ZC3H12B: variants seen among roughly 807,000 people sequenced by gnomAD.
The protein encoded by ZC3H12B is probable ribonuclease ZC3H12B.
ZC3H12B carries 7 observed loss-of-function variants against 43.9 expected under a neutral mutation model. The observed-to-expected ratio is 0.16, with a 90% CI of 0.09 to 0.30. ZC3H12B has a LOEUF of 0.30. Ranked by LOEUF, ZC3H12B falls within the 10% of genes least tolerant of loss-of-function variation. ZC3H12B has a pLI of 1.00. For synonymous variants in ZC3H12B, 222 were observed against 241.7 expected (o/e 0.92, Z 0.76); for missense variants, 475 against 670.2 (o/e 0.71, Z 3.22).
chrX:65,318,793 T>C, the ZC3H12B span, among the ~76,000 whole-genome samples: 2 of 111,130 alleles, frequency 1.8e-5, no homozygotes, highest in Non-Finnish European at 3.8e-5. Context: ...TTTTTTTTCT[T>C]GCTAATTTAA....
the ZC3H12B span, among the ~76,000 whole-genome samples, chrX:65,190,203 T>C: frequency 9.0e-6 from 1 of 110,539 alleles, no homozygotes; most frequent in Non-Finnish European, 1.9e-5. Flanking sequence ...TACTGTAGCC[T>C]TGTAGTATAG....
chrX:65,037,499 C>A, the ZC3H12B span, among the ~76,000 whole-genome samples: 244 of 112,090 alleles, frequency 2.2e-3, 1 homozygote, highest in Admixed American at 4.0e-3. Context: ...ACTAAATTAA[C>A]AAATTAAATA....
At chrX:65,330,865 T>A in the ZC3H12B span, 5 of 225,487 alleles carry the variant, frequency 2.2e-5, no homozygotes, top group Non-Finnish European at 3.5e-5. Context: ...TCACTGTTAC[T>A]GCCACCATCT....
the ZC3H12B span, among the ~76,000 whole-genome samples, chrX:65,188,439 T>G: frequency 7.7e-3 from 831 of 107,809 alleles, 11 homozygotes; most frequent in Admixed American, 0.039. Flanking sequence ...ACTAACAGTG[T>G]ACAACGTTTC....
At chrX:65,129,644 G>T in the ZC3H12B span, among the ~76,000 whole-genome samples, 1 of 111,326 alleles carries the variant, frequency 9.0e-6, no homozygotes, top group Non-Finnish European at 1.9e-5. Context: ...TATATGCACA[G>T]GTCACAGAGT....
At chrX:65,258,981 G>A in the ZC3H12B span, among the ~76,000 whole-genome samples, 2 of 111,816 alleles carry the variant, frequency 1.8e-5, no homozygotes, top group Non-Finnish European at 3.8e-5. Flanking sequence ...TCATTAAAAT[G>A]CCCATACTGC....
intron 2 of ZC3H12B, among the ~76,000 whole-genome samples, chrX:65,369,571 A>G (rs2066218003): frequency 9.0e-6 from 1 of 111,499 alleles, no homozygotes; most frequent in East Asian, 2.8e-4. Context: ...CCCCTACTTT[A>G]TTTAGTTTTT....
chrX:65,427,521 GT>G lies in ZC3H12B; in HGVS notation n.407+28821del, dbSNP rs1248362634. ...TTTTTCTATTTTTAGTAGAGATGGG[GT>G]TTTACCATGTTGACCAGGCTGGCCT... is the stretch of plus-strand genomic sequence containing the variant. On this transcript the variant is annotated intron_variant and non_coding_transcript_variant, in intron 3 of 5. Transcript: ENST00000617377. Among the ~76,000 whole-genome samples, 8 of 110,500 alleles carry G rather than the reference GT, an allele frequency of 7.2e-5. No individual in the cohort carries two copies. In the East Asian group the frequency reaches 2.3e-3, roughly 32 times the overall value.
At chrX:65,383,730 C>G (rs745545555) in intron 2 of ZC3H12B, among the ~76,000 whole-genome samples, 1 of 111,246 alleles carries the variant, frequency 9.0e-6, no homozygotes, top group Admixed American at 9.6e-5. Flanking sequence ...TATCCAGAAT[C>G]TACAATGAAC....
chrX:65,108,514 C>T, the ZC3H12B span, among the ~76,000 whole-genome samples: 8 of 109,530 alleles, frequency 7.3e-5, no homozygotes, highest in African/African-American at 2.3e-4. Flanking sequence ...CTTCTACTTC[C>T]ACATCTTGTG....
intron 2 of ZC3H12B, among the ~76,000 whole-genome samples, chrX:65,369,287 G>C (rs2066214359): frequency 9.0e-6 from 1 of 111,722 alleles, no homozygotes; most frequent in Non-Finnish European, 1.9e-5. Context: ...TACAAATCAA[G>C]TACCAAGAGC....
chrX:65,142,443 A>G, the ZC3H12B span, among the ~76,000 whole-genome samples: 5 of 111,335 alleles, frequency 4.5e-5, no homozygotes, highest in East Asian at 1.4e-3. Context: ...AATTTTTCCC[A>G]CTCTACAGGT....
At chrX:65,430,171 G>A (rs2067137997) in intron 3 of ZC3H12B, among the ~76,000 whole-genome samples, 1 of 111,453 alleles carries the variant, frequency 9.0e-6, no homozygotes, top group South Asian at 3.8e-4. Context: ...TAAAGCTCAT[G>A]GGTCTCTGTG....
chrX:65,108,554 T>G, the ZC3H12B span, among the ~76,000 whole-genome samples: 3 of 109,558 alleles, frequency 2.7e-5, no homozygotes, highest in African/African-American at 9.9e-5. Flanking sequence ...GGCGATAACA[T>G]GCATGAAGCT....
At chrX:65,063,992 T>A in the ZC3H12B span, among the ~76,000 whole-genome samples, 4 of 111,966 alleles carry the variant, frequency 3.6e-5, no homozygotes, top group African/African-American at 1.3e-4. Flanking sequence ...GTGTGTAGGA[T>A]CTTTGGTGAT....
At chrX:65,126,039 T>TTG in the ZC3H12B span, among the ~76,000 whole-genome samples, 7 of 95,609 alleles carry the variant, frequency 7.3e-5, no homozygotes, top group East Asian at 2.9e-4. Flanking sequence ...CCTTGTGTGT[T>TTG]TGTGTGTGTG....
chrX:65,089,365 A>G, the ZC3H12B span, among the ~76,000 whole-genome samples: 2 of 111,919 alleles, frequency 1.8e-5, no homozygotes, highest in Non-Finnish European at 3.8e-5. Context: ...GTATTTGTGT[A>G]TCTAAACATA....
the ZC3H12B span, among the ~76,000 whole-genome samples, chrX:65,300,000 G>A: frequency 8.9e-6 from 1 of 112,397 alleles, no homozygotes; most frequent in South Asian, 3.7e-4. Context: ...TGAGCCCTGT[G>A]GGCACTCTTG....
chrX:65,497,106 C>G lies in ZC3H12B; in HGVS notation c.609-26C>G, dbSNP rs776761703. Reference sequence around the variant, plus strand: ...CTTTGCTATCTATTATCAATCTTCTCTCCTCTTATTCTGTATCTTCCTAAG... The same window carrying G: ...CTTTGCTATCTATTATCAATCTTCTGTCCTCTTATTCTGTATCTTCCTAAG... On this transcript the variant is annotated intron_variant, in intron 1 of 4. Coordinates refer to ENST00000338957, the Ensembl canonical transcript of ZC3H12B. 2.5e-6 allele frequency: 3 copies of G among 1,180,869 alleles called. No homozygotes were observed. The African/African-American group carries it at 6.1e-5, about 24-fold the overall frequency.
Sources: gnomAD v4.1 joint callset for allele counts (sites outside exome capture counted in the v4.1 genomes callset) on GRCh38, gnomAD v4.1.1 for gene constraint, MANE v1.5 for transcripts, NCBI Gene and HGNC (gene_info 2026-07-23, HGNC 2026-07-21) for gene names.